PLCB1: variants seen among roughly 807,000 people sequenced by gnomAD.
PLCB1 encodes 1-phosphatidylinositol 4,5-bisphosphate phosphodiesterase beta-1.
Under a neutral mutation model 161.8 loss-of-function variants are expected in PLCB1, and 46 were observed. That is an observed-to-expected ratio of 0.28 (90% CI 0.22 to 0.36). The LOEUF (loss-of-function observed/expected upper bound fraction) is 0.36, where lower values mean the gene tolerates loss of function less well. Ranked by LOEUF, PLCB1 falls within the 10% of genes least tolerant of loss-of-function variation. The pLI is 1.00. For missense variants in PLCB1, 1,016 were observed against 1,472.5 expected (o/e 0.69, Z 5.07); for synonymous variants, 517 against 503.7 (o/e 1.03, Z -0.35).
chr20:8,684,855 GAAAAA>G, intron 9 of PLCB1, 72 bp from the exon 10 acceptor site: 8 of 977,344 alleles, frequency 8.2e-6, no homozygotes, highest in Admixed American at 2.5e-5. Context: ...GATATTTCTG[GAAAAA>G]AAAAAAAAAA....
intron 3 of PLCB1, among the ~76,000 whole-genome samples, chr20:8,530,782 T>G (rs937531344): frequency 1.3e-5 from 2 of 152,124 alleles, no homozygotes; most frequent in Admixed American, 6.6e-5. Flanking sequence ...TTCAAGCATT[T>G]GGTTTGATCC....
intron 3 of PLCB1, among the ~76,000 whole-genome samples, chr20:8,466,535 A>T (rs1008708879): frequency 5.3e-5 from 8 of 152,172 alleles, no homozygotes; most frequent in African/African-American, 1.9e-4. Context: ...TGTGAGAAAC[A>T]AAACACACAT....
chr20:8,403,490 G>C (rs1262912750), intron 3 of PLCB1, among the ~76,000 whole-genome samples: 1 of 152,210 alleles, frequency 6.6e-6, no homozygotes, highest in Admixed American at 6.5e-5. Context: ...GGAAATATTA[G>C]ATTTTAATTT....
At chr20:8,379,086 A>C (rs997102749) in intron 3 of PLCB1, among the ~76,000 whole-genome samples, 1 of 151,582 alleles carries the variant, frequency 6.6e-6, no homozygotes, top group South Asian at 2.1e-4. Context: ...TCGTCCTGTA[A>C]GTTCCCTCCT....
chr20:8,817,558 C>T (rs1010406776), intron 31 of PLCB1, among the ~76,000 whole-genome samples: 4 of 151,980 alleles, frequency 2.6e-5, no homozygotes, highest in African/African-American at 9.7e-5. Context: ...TTCAGAATAC[C>T]AAAAAACAAA....
At chr20:8,439,200 T>A (rs1322006040) in intron 3 of PLCB1, among the ~76,000 whole-genome samples, 2 of 152,172 alleles carry the variant, frequency 1.3e-5, no homozygotes. Flanking sequence ...CAACTTACTG[T>A]AGCGTTTCCA....
chr20:8,874,372 G>T (rs1160497947), intron 31 of PLCB1, among the ~76,000 whole-genome samples: 1 of 151,706 alleles, frequency 6.6e-6, no homozygotes, highest in Non-Finnish European at 1.5e-5. Flanking sequence ...ACCATACAAA[G>T]AATATAATTA....
At chr20:8,499,215 T>G (rs1238746788) in intron 3 of PLCB1, among the ~76,000 whole-genome samples, 1 of 152,258 alleles carries the variant, frequency 6.6e-6, no homozygotes, top group Admixed American at 6.5e-5. Context: ...GCTTATGTGC[T>G]TTTGGGATAT....
chr20:8,361,939 A>C (rs996621510), intron 2 of PLCB1, among the ~76,000 whole-genome samples: 5 of 152,226 alleles, frequency 3.3e-5, no homozygotes, highest in Non-Finnish European at 7.3e-5. Context: ...AGCACTTATG[A>C]AACTATTTGC....
At chr20:8,419,340 A>G (rs760814059) in intron 3 of PLCB1, among the ~76,000 whole-genome samples, 7 of 152,208 alleles carry the variant, frequency 4.6e-5, no homozygotes, top group Non-Finnish European at 8.8e-5. Context: ...TTTAGCCACT[A>G]GCCGAGGACA....
chr20:8,256,431 A>G (rs917751225), intron 2 of PLCB1, among the ~76,000 whole-genome samples: 1 of 152,028 alleles, frequency 6.6e-6, no homozygotes, highest in Admixed American at 6.6e-5. Flanking sequence ...TCAACAGACT[A>G]ACTAGCCCAG....
chr20:8,478,904 C>T (rs1194542288), intron 3 of PLCB1, among the ~76,000 whole-genome samples: 1 of 152,104 alleles, frequency 6.6e-6, no homozygotes, highest in Non-Finnish European at 1.5e-5. Flanking sequence ...AAACTTCATT[C>T]ATTATACATG....
At chr20:8,240,562 G>A (rs116800520) in intron 2 of PLCB1, among the ~76,000 whole-genome samples, 1,674 of 151,968 alleles carry the variant, frequency 0.011, 34 homozygotes, top group African/African-American at 0.037. Flanking sequence ...ATGCTGGAAT[G>A]CACACACCTC....
intron 3 of PLCB1, among the ~76,000 whole-genome samples, chr20:8,490,171 G>A (rs539645435): frequency 4.7e-4 from 71 of 152,266 alleles, no homozygotes; most frequent in Middle Eastern, 3.4e-3. Flanking sequence ...CCAACACTGT[G>A]AGGCTTGAGC....
At chr20:8,556,694 TGTGTGTG>T (rs1985967009) in intron 3 of PLCB1, among the ~76,000 whole-genome samples, 2 of 146,778 alleles carry the variant, frequency 1.4e-5, no homozygotes, top group African/African-American at 5.3e-5. Context: ...TGTGTGTGTG[TGTGTGTG>T]TTTGCTCTAG....
intron 31 of PLCB1, among the ~76,000 whole-genome samples, chr20:8,861,426 C>A: frequency 6.6e-6 from 1 of 152,186 alleles, no homozygotes; most frequent in East Asian, 1.9e-4. Flanking sequence ...CTAGCCCAGG[C>A]ATCATGGCTC....
chr20:8,503,425 C>G (rs564972110), intron 3 of PLCB1, among the ~76,000 whole-genome samples: 205 of 152,242 alleles, frequency 1.3e-3, no homozygotes, highest in African/African-American at 4.8e-3. Flanking sequence ...TTTGACATGA[C>G]CTTTTCCTTC....
At chr20:8,879,141 A>C (rs892824129) in intron 31 of PLCB1, among the ~76,000 whole-genome samples, 1 of 152,182 alleles carries the variant, frequency 6.6e-6, no homozygotes, top group Non-Finnish European at 1.5e-5. Flanking sequence ...ACATGATTTC[A>C]TACTTTTTAT....
chr20:8,354,708 A>G (rs1986303897), intron 2 of PLCB1, among the ~76,000 whole-genome samples: 1 of 152,198 alleles, frequency 6.6e-6, no homozygotes. Context: ...ATGGACTGGC[A>G]TTTAGAAGCC....
Sources: gnomAD v4.1 joint callset for allele counts (sites outside exome capture counted in the v4.1 genomes callset) on GRCh38, gnomAD v4.1.1 for gene constraint, MANE v1.5 for transcripts, NCBI Gene and HGNC (gene_info 2026-07-23, HGNC 2026-07-21) for gene names.